The following RFX3 variants were observed in gnomAD, a reference collection of about 807,000 sequenced individuals.
The protein encoded by RFX3 is regulatory factor X3, also known as transcription factor RFX3.
Under a neutral mutation model 98.6 loss-of-function variants are expected in RFX3, and 14 were observed. The observed-to-expected ratio is 0.14, with a 90% confidence interval of 0.09 to 0.22. RFX3 has a LOEUF of 0.22. RFX3 is among the 10% of genes least tolerant of loss of function. The pLI, the probability that RFX3 is intolerant of heterozygous loss-of-function variation, is 1.00. For missense variants in RFX3, 639 were observed against 926.9 expected (o/e 0.69, Z 4.03); for synonymous variants, 383 against 328.4 (o/e 1.17, Z -1.80).
intron 15 of RFX3, among the ~76,000 whole-genome samples, chr9:3,246,105 G>A (rs1820629597): frequency 1.3e-5 from 2 of 152,142 alleles, no homozygotes; most frequent in African/African-American, 4.8e-5. Context: ...AAATTAGTCT[G>A]AATTTGCCTT....
At chr9:3,260,271 C>T (rs966737966) in intron 13 of RFX3, among the ~76,000 whole-genome samples, 2 of 151,832 alleles carry the variant, frequency 1.3e-5, no homozygotes, top group Non-Finnish European at 2.9e-5. Flanking sequence ...CCCAGAAAAA[C>T]ATGATAGTCA....
intron 13 of RFX3, among the ~76,000 whole-genome samples, chr9:3,258,360 A>G (rs1199098716): frequency 6.6e-6 from 1 of 152,134 alleles, no homozygotes; most frequent in Non-Finnish European, 1.5e-5. Context: ...AGTTCATTCA[A>G]ATTAACAACT....
In RFX3 at chr9:3,501,510, C is replaced by G. The variant is rs190161987; in HGVS notation, c.-9+24237G>C. 1.9e-3 allele frequency among the ~76,000 whole-genome samples: 279 copies of G among 148,608 alleles called. 4 individuals are homozygous for G. The highest frequency in any genetic ancestry group is 6.0e-3 in the African/African-American group (244 of 40,570). On this transcript the variant is annotated intron_variant, in intron 1 of 16. Coordinates refer to ENST00000617270, the MANE Select transcript of RFX3 (RefSeq NM_001282116.2). ...TTTCAACAATTTGTTTAGCCAAGAT[C>G]AATAAGGATGTTGATATACAAAAAG...
chr9:3,361,370 A>T (rs1836411245), intron 2 of RFX3, among the ~76,000 whole-genome samples: 1 of 152,202 alleles, frequency 6.6e-6, no homozygotes, highest in Non-Finnish European at 1.5e-5. Context: ...GAAGTAAAAA[A>T]GTCAAAAGCA....
chr9:3,488,362 T>C (rs1446979606), intron 1 of RFX3, among the ~76,000 whole-genome samples: 1 of 152,172 alleles, frequency 6.6e-6, no homozygotes, highest in Non-Finnish European at 1.5e-5. Flanking sequence ...AAGTATACTA[T>C]GGAAACGCTT....
chr9:3,248,339 T>G (rs1306319723), intron 14 of RFX3, among the ~76,000 whole-genome samples, 154 bp from the exon 15 acceptor site: 1 of 152,180 alleles, frequency 6.6e-6, no homozygotes, highest in Non-Finnish European at 1.5e-5. Context: ...TTGAACGCAG[T>G]TGCAACTCAT....
At chr9:3,432,517 T>C (rs1844744463) in intron 1 of RFX3, among the ~76,000 whole-genome samples, 1 of 152,122 alleles carries the variant, frequency 6.6e-6, no homozygotes, top group African/African-American at 2.4e-5. Context: ...GCCCAGACTT[T>C]GTACATGACT....
At chr9:3,427,254 A>G (rs1844146904) in intron 1 of RFX3, among the ~76,000 whole-genome samples, 1 of 144,342 alleles carries the variant, frequency 6.9e-6, no homozygotes, top group Admixed American at 7.1e-5. Context: ...AAATATATAT[A>G]TAATACTATA....
intron 1 of RFX3, among the ~76,000 whole-genome samples, chr9:3,513,094 C>T (rs1817802994): frequency 6.6e-6 from 1 of 152,156 alleles, no homozygotes; most frequent in South Asian, 2.1e-4. Flanking sequence ...CCTACATTAA[C>T]CAAAATAGTA....
At chr9:3,308,803 A>C (rs1829628108) in intron 4 of RFX3, among the ~76,000 whole-genome samples, 1 of 152,102 alleles carries the variant, frequency 6.6e-6, no homozygotes, top group Non-Finnish European at 1.5e-5. Context: ...TGAGTGAAGA[A>C]AGAGGGGAAG....
chr9:3,505,570 G>A (rs575532615), intron 1 of RFX3, among the ~76,000 whole-genome samples: 27 of 148,412 alleles, frequency 1.8e-4, no homozygotes, highest in Non-Finnish European at 3.4e-4. Flanking sequence ...TGTGAGGACA[G>A]ATGTAAAAAT....
intron 4 of RFX3, among the ~76,000 whole-genome samples, chr9:3,317,278 C>G (rs2130652019): frequency 6.6e-6 from 1 of 152,304 alleles, no homozygotes; most frequent in South Asian, 2.1e-4. Context: ...AAAGGATTCC[C>G]TATTTAATAA....
intron 15 of RFX3, among the ~76,000 whole-genome samples, chr9:3,240,652 G>C: frequency 6.6e-6 from 1 of 152,150 alleles, no homozygotes; most frequent in East Asian, 1.9e-4. Context: ...TTTTATGGTA[G>C]TATATTTTAT....
intron 2 of RFX3, among the ~76,000 whole-genome samples, chr9:3,375,044 C>T (rs562488935): frequency 1.4e-3 from 208 of 152,278 alleles, no homozygotes; most frequent in Middle Eastern, 3.4e-3. Flanking sequence ...GCAGTATGTA[C>T]ATTATAAACA....
At chr9:3,504,908 A>AT in intron 1 of RFX3, among the ~76,000 whole-genome samples, 1 of 73,630 alleles carries the variant, frequency 1.4e-5, no homozygotes, top group South Asian at 3.7e-4. Context: ...TATTATATAT[A>AT]TATATAATAT....
intron 1 of RFX3, among the ~76,000 whole-genome samples, chr9:3,506,174 T>C (rs1817072133): frequency 6.7e-6 from 1 of 150,254 alleles, no homozygotes; most frequent in African/African-American, 2.4e-5. Context: ...CTAATTAAAA[T>C]GAGGGCTGGA....
At chr9:3,333,018 C>T (rs927023151) in intron 3 of RFX3, among the ~76,000 whole-genome samples, 2 of 152,190 alleles carry the variant, frequency 1.3e-5, no homozygotes, top group African/African-American at 4.8e-5. Context: ...ATTCCTGAAA[C>T]ATAGCTCTCA....
chr9:3,496,860 T>G (rs892197869), intron 1 of RFX3, among the ~76,000 whole-genome samples: 2 of 152,024 alleles, frequency 1.3e-5, no homozygotes, highest in African/African-American at 4.8e-5. Context: ...AATATGTAAG[T>G]TAAAGATACT....
chr9:3,423,891 T>C (rs566200975), intron 1 of RFX3, among the ~76,000 whole-genome samples: 4 of 150,106 alleles, frequency 2.7e-5, no homozygotes, highest in Admixed American at 1.3e-4. Flanking sequence ...CTCACGCCTG[T>C]AATCCCAGCA....
Sources: gnomAD v4.1 joint callset for allele counts (sites outside exome capture counted in the v4.1 genomes callset) on GRCh38, gnomAD v4.1.1 for gene constraint, MANE v1.5 for transcripts, NCBI Gene and HGNC (gene_info 2026-07-23, HGNC 2026-07-21) for gene names.